Variants in UTP20 observed in about 807,000 individuals in gnomAD.
The protein encoded by UTP20 is UTP20 small subunit processome component.
UTP20 carries 164 observed loss-of-function variants against 329.5 expected under a neutral mutation model. The observed-to-expected ratio is 0.50, with a 90% CI of 0.44 to 0.57. The LOEUF (loss-of-function observed/expected upper bound fraction) is 0.57, where lower values mean the gene tolerates loss of function less well. Among genes scored for constraint, UTP20 ranks in the 20% least tolerant of loss-of-function variants. The pLI, the probability that UTP20 is intolerant of heterozygous loss-of-function variation, is 0.00. For missense variants in UTP20, 3,055 were observed against 3,284.2 expected (o/e 0.93, Z 1.71); for synonymous variants, 1,151 against 1,159.3 (o/e 0.99, Z 0.14).
chr12:101,309,545 G>C (rs1872725019), intron 18 of UTP20, among the ~76,000 whole-genome samples: 1 of 152,230 alleles, frequency 6.6e-6, no homozygotes, highest in African/African-American at 2.4e-5. Flanking sequence ...TATGTTTGCT[G>C]TAGCGATTCT....
intron 51 of UTP20, among the ~76,000 whole-genome samples, chr12:101,372,535 G>C (rs972980605): frequency 1.3e-5 from 2 of 152,238 alleles, no homozygotes; most frequent in African/African-American, 4.8e-5. Context: ...GGAGATACCA[G>C]ATTGGACCAC....
chr12:101,364,811 C>T (rs754660689), intron 45 of UTP20, among the ~76,000 whole-genome samples: 13 of 152,108 alleles, frequency 8.5e-5, no homozygotes, highest in Non-Finnish European at 1.9e-4. Flanking sequence ...ATGTTAGATG[C>T]ATTTTCAGGA....
chr12:101,355,156 A>G, intron 41 of UTP20, 38 bp downstream of exon 41: 1 of 1,587,466 alleles, frequency 6.3e-7, no homozygotes. Flanking sequence ...GTCTGTGTGA[A>G]TTCTGGTGTT....
At chr12:101,369,994 A>G in intron 49 of UTP20, 103 bp downstream of exon 49, 2 of 1,183,214 alleles carry the variant, frequency 1.7e-6, no homozygotes, top group Non-Finnish European at 1.2e-6. Flanking sequence ...TGGGAGGATT[A>G]CTTGAGCCTA....
intron 44 of UTP20, 106 bp from the exon 45 acceptor site, chr12:101,363,470 T>G (rs747154386): frequency 2.1e-6 from 2 of 972,764 alleles, no homozygotes; most frequent in Non-Finnish European, 2.9e-6. Flanking sequence ...CAGTCCAACT[T>G]GCATTTCTTT....
intron 43 of UTP20, among the ~76,000 whole-genome samples, chr12:101,357,663 A>T (rs1383959517): frequency 6.6e-6 from 1 of 152,172 alleles, no homozygotes; most frequent in Non-Finnish European, 1.5e-5. Context: ...CTGAGGTGGG[A>T]GGATTGCTTG....
chr12:101,353,658 A>G (rs1329217078), intron 40 of UTP20, among the ~76,000 whole-genome samples: 1 of 152,186 alleles, frequency 6.6e-6, no homozygotes, highest in Non-Finnish European at 1.5e-5. Context: ...TGATCACCAT[A>G]GCACCACTGC....
At chr12:101,317,920 T>C (rs1242475064) in intron 22 of UTP20, among the ~76,000 whole-genome samples, 1 of 152,226 alleles carries the variant, frequency 6.6e-6, no homozygotes, top group Non-Finnish European at 1.5e-5. Context: ...TAGCTCCTTT[T>C]TATAGATGAG....
rs1869543988 is a variant in UTP20 at position 101,351,997 on chromosome 12, C to A, written c.4885-58C>A. On this transcript the variant is annotated intron_variant, in intron 38 of 61. Coordinates refer to ENST00000261637, the MANE Select transcript of UTP20 (RefSeq NM_014503.3). ...TAACTTTTTCAATATACTGAGTTAG[C>A]CTTGCATTTTATTAGCAAATACTTG... 28 of 1,586,598 alleles carry A rather than the reference C, an allele frequency of 1.8e-5. No individual in the cohort carries two copies. The South Asian group carries it at 3.0e-4, about 17-fold the overall frequency.
At chr12:101,282,565 G>T (rs1291984147) in intron 2 of UTP20, among the ~76,000 whole-genome samples, 4 of 152,164 alleles carry the variant, frequency 2.6e-5, no homozygotes, top group African/African-American at 9.7e-5. Flanking sequence ...CATATGTGAA[G>T]CTAAGTTGGG....
chr12:101,368,123 T>G (rs1870159301), intron 48 of UTP20, 147 bp downstream of exon 48: 4 of 602,940 alleles, frequency 6.6e-6, no homozygotes, highest in African/African-American at 1.9e-5. Flanking sequence ...TTGGGGTTTT[T>G]GGGTTTTTTT....
At chr12:101,368,061 G>A (rs768328017) in intron 48 of UTP20, 85 bp downstream of exon 48, 107 of 987,974 alleles carry the variant, frequency 1.1e-4, no homozygotes, top group Non-Finnish European at 1.5e-4. Flanking sequence ...GTTGTATTTG[G>A]GCTCAAGCTT....
chr12:101,383,728 CT>C, intron 60 of UTP20, 59 bp downstream of exon 60: 1 of 1,367,956 alleles, frequency 7.3e-7, no homozygotes, highest in Non-Finnish European at 9.6e-7. Flanking sequence ...AACTTCTCTC[CT>C]GAATGTTTCC....
At chr12:101,342,365 C>T in intron 32 of UTP20, 81 bp from the exon 33 acceptor site, 2 of 1,123,222 alleles carry the variant, frequency 1.8e-6, no homozygotes, top group Non-Finnish European at 2.4e-6. Flanking sequence ...CAATTGTTTT[C>T]TATGCTATAA....
intron 43 of UTP20, among the ~76,000 whole-genome samples, chr12:101,357,301 A>G (rs1869756058): frequency 1.3e-5 from 2 of 152,218 alleles, no homozygotes; most frequent in Admixed American, 1.3e-4. Context: ...CCTGGGTTAC[A>G]TGACCTATTT....
intron 27 of UTP20, 114 bp downstream of exon 27, chr12:101,329,563 TC>T: frequency 9.1e-7 from 1 of 1,101,234 alleles, no homozygotes; most frequent in Non-Finnish European, 1.3e-6. Context: ...TCAAGTTTGA[TC>T]CCAGAACAAA....
Position 101,369,705 on chromosome 12 carries a change from G to C in UTP20, c.6385-16G>C, listed in dbSNP as rs1190937300. 2.1e-6 allele frequency: 3 copies of C among 1,403,002 alleles called. No individual in the cohort carries two copies. The African/African-American group carries it at 4.3e-5, about 20-fold the overall frequency. The allele number at this position is 1,403,002 out of a possible 1,614,324, so 86.9% of individuals were successfully genotyped here. A position where few individuals can be genotyped will look rare whatever the true frequency, so the allele number is the denominator to read the frequency against. On this transcript the variant is annotated splice_polypyrimidine_tract_variant and intron_variant, in intron 48 of 61. Coordinates refer to ENST00000261637, the MANE Select transcript of UTP20 (RefSeq NM_014503.3). ...TCACATCACAAGTTGGTGGTGTTTT[G>C]TTTTGTTTTTTTCAGGTGATCACAG...
At position 101,320,999 on chromosome 12, in the gene UTP20, A is replaced by G. The variant is rs558863248; in HGVS notation, c.2915+62A>G. 2,767 of 1,436,310 alleles carry G rather than the reference A, an allele frequency of 1.9e-3. 6 individuals carry two copies. Among genetic ancestry groups the G allele is most frequent in the Non-Finnish European group, 2.5e-3 (2,602 of 1,055,238 alleles). 89.0% of individuals were successfully genotyped at this position (1,436,310 alleles called of 1,614,324 possible). A position where few individuals can be genotyped will look rare whatever the true frequency, so the allele number is the denominator to read the frequency against. ...CAGCTGATTTTTATATTTCTGCCTA[A>G]GAGCCTCTTCTAGAATAATTTATTA... On this transcript the variant is annotated intron_variant, in intron 24 of 61. Coordinates refer to ENST00000261637, the MANE Select transcript of UTP20 (RefSeq NM_014503.3).
At chr12:101,375,993 T>TTA (rs1870458991) in intron 56 of UTP20, among the ~76,000 whole-genome samples, 1 of 151,544 alleles carries the variant, frequency 6.6e-6, no homozygotes, top group Non-Finnish European at 1.5e-5. Context: ...GTTTGGTACT[T>TTA]AATAATTTCA....
Sources: gnomAD v4.1 joint callset for allele counts (sites outside exome capture counted in the v4.1 genomes callset) on GRCh38, gnomAD v4.1.1 for gene constraint, MANE v1.5 for transcripts, NCBI Gene and HGNC (gene_info 2026-07-23, HGNC 2026-07-21) for gene names.